Variants in MACROD2 observed in about 807,000 individuals in gnomAD.
MACROD2 encodes ADP-ribose glycohydrolase MACROD2.
MACROD2 carries 36 observed loss-of-function variants against 70.4 expected under a neutral mutation model. The ratio of observed to expected loss-of-function variants is 0.51; its 90% CI spans 0.39 to 0.68. The LOEUF is 0.68. MACROD2 is among the 30% of genes least tolerant of loss of function. The pLI, the probability that MACROD2 is intolerant of heterozygous loss-of-function variation, is 0.00. For synonymous variants in MACROD2, 172 were observed against 178.8 expected (o/e 0.96, Z 0.30); for missense variants, 496 against 538.4 (o/e 0.92, Z 0.78).
intron 7 of MACROD2, among the ~76,000 whole-genome samples, chr20:15,448,877 G>C (rs920585119): frequency 6.6e-5 from 10 of 152,008 alleles, no homozygotes; most frequent in African/African-American, 2.4e-4. Context: ...TTTGATGTTT[G>C]CATTGATTAT....
intron 12 of MACROD2, among the ~76,000 whole-genome samples, chr20:15,944,395 C>T (rs886244631): frequency 2.6e-5 from 4 of 151,938 alleles, no homozygotes; most frequent in Admixed American, 2.0e-4. Context: ...TTCTAGGCAA[C>T]CTCATACATA....
chr20:15,595,164 A>C (rs1373182476), intron 8 of MACROD2, among the ~76,000 whole-genome samples: 1 of 152,230 alleles, frequency 6.6e-6, no homozygotes, highest in Non-Finnish European at 1.5e-5. Flanking sequence ...ACAGAGTTTT[A>C]GTTTTGAAAG....
intron 4 of MACROD2, among the ~76,000 whole-genome samples, chr20:14,546,928 T>C (rs987769360): frequency 4.6e-5 from 7 of 151,416 alleles, no homozygotes; most frequent in Admixed American, 4.6e-4. Context: ...TATTTTCTCT[T>C]TTTTTTTTCA....
intron 6 of MACROD2, among the ~76,000 whole-genome samples, chr20:15,259,127 A>C (rs959197818): frequency 4.6e-5 from 7 of 151,988 alleles, no homozygotes; most frequent in South Asian, 2.1e-4. Flanking sequence ...CTTTCCCCCC[A>C]TACAACATTC....
intron 5 of MACROD2, among the ~76,000 whole-genome samples, chr20:15,074,334 TA>T (rs1280640726): frequency 6.6e-6 from 1 of 152,130 alleles, no homozygotes; most frequent in African/African-American, 2.4e-5. Context: ...GAAGCTTGTA[TA>T]AAAACCTGAA....
At chr20:13,997,145 T>C (rs2052673202) in intron 1 of MACROD2, among the ~76,000 whole-genome samples, 1 of 152,156 alleles carries the variant, frequency 6.6e-6, no homozygotes, top group African/African-American at 2.4e-5. Flanking sequence ...ACAATTAAAA[T>C]GATCTTTAAA....
At position 15,230,069 on chromosome 20, in the gene MACROD2, A is replaced by C; in HGVS notation, c.540+8A>C. 1 of 1,610,690 alleles carries C rather than the reference A, an allele frequency of 6.2e-7. No individual in the cohort carries two copies. The highest frequency in any genetic ancestry group is 8.5e-7 in the Non-Finnish European group (1 of 1,178,322). ...AATAACATCCGATCAGTTGTAAGTA[A>C]TTTTATGTTTTTTATTTCTCACTCT... On this transcript the variant is annotated splice_region_variant and intron_variant, in intron 6 of 17. Coordinates refer to ENST00000684519, the MANE Select transcript of MACROD2 (RefSeq NM_001351661.2).
chr20:15,596,811 T>C (rs990785304), intron 8 of MACROD2, among the ~76,000 whole-genome samples: 1 of 152,206 alleles, frequency 6.6e-6, no homozygotes, highest in Non-Finnish European at 1.5e-5. Context: ...GGTCAGACAT[T>C]CCTACACCCC....
intron 8 of MACROD2, among the ~76,000 whole-genome samples, chr20:15,696,145 C>T (rs2050366597): frequency 6.6e-6 from 1 of 152,158 alleles, no homozygotes; most frequent in Non-Finnish European, 1.5e-5. Flanking sequence ...ATGCTTTCAA[C>T]TTTTCCCCAT....
chr20:15,701,006 G>A (rs1211247170), intron 8 of MACROD2, among the ~76,000 whole-genome samples: 2 of 152,152 alleles, frequency 1.3e-5, no homozygotes, highest in Non-Finnish European at 2.9e-5. Context: ...CTGTTTAACC[G>A]ACGATGCTCA....
At chr20:15,308,650 C>G (rs1040639003) in intron 6 of MACROD2, among the ~76,000 whole-genome samples, 1 of 152,146 alleles carries the variant, frequency 6.6e-6, no homozygotes, top group Admixed American at 6.6e-5. Context: ...CAAATTCAAA[C>G]ATTTAGATTC....
intron 3 of MACROD2, among the ~76,000 whole-genome samples, chr20:14,212,067 A>G (rs576870275): frequency 6.6e-6 from 1 of 152,326 alleles, no homozygotes; most frequent in African/African-American, 2.4e-5. Flanking sequence ...CAGAGGCACA[A>G]ACATACACAC....
At chr20:15,678,088 C>A (rs1301072548) in intron 8 of MACROD2, among the ~76,000 whole-genome samples, 1 of 151,748 alleles carries the variant, frequency 6.6e-6, no homozygotes, top group Non-Finnish European at 1.5e-5. Context: ...TTTCAAGTTA[C>A]TGCATACTCA....
chr20:15,578,180 G>T (rs1272600141), intron 8 of MACROD2, among the ~76,000 whole-genome samples: 1 of 152,156 alleles, frequency 6.6e-6, no homozygotes, highest in Non-Finnish European at 1.5e-5. Context: ...ATGATCACAG[G>T]TAAATAGACA....
chr20:14,312,403 A>G (rs1387977864), intron 3 of MACROD2, among the ~76,000 whole-genome samples: 2 of 152,242 alleles, frequency 1.3e-5, no homozygotes, highest in East Asian at 3.8e-4. Context: ...GTCAAACATC[A>G]TAAGAGAAAA....
chr20:14,149,192 GT>G (rs11087076), intron 3 of MACROD2, among the ~76,000 whole-genome samples: 547 of 144,476 alleles, frequency 3.8e-3, no homozygotes, highest in East Asian at 0.011. Context: ...AGTACCCAAT[GT>G]TTTTTTTTTT....
intron 3 of MACROD2, among the ~76,000 whole-genome samples, chr20:14,229,153 G>A (rs1199568068): frequency 1.3e-5 from 2 of 152,142 alleles, no homozygotes; most frequent in Non-Finnish European, 2.9e-5. Context: ...ATAGGTGATC[G>A]TAGTTTGCTG....
intron 13 of MACROD2, among the ~76,000 whole-genome samples, chr20:15,986,129 G>A (rs908137990): frequency 6.6e-6 from 1 of 152,228 alleles, no homozygotes; most frequent in Non-Finnish European, 1.5e-5. Context: ...CCCAGGCCTG[G>A]TTTCGGGGCT....
chr20:14,598,015 C>G (rs971159631), intron 4 of MACROD2, among the ~76,000 whole-genome samples: 1 of 152,102 alleles, frequency 6.6e-6, no homozygotes, highest in African/African-American at 2.4e-5. Flanking sequence ...CTGTGCTTCT[C>G]TACCTTTGTT....
Sources: allele counts gnomAD v4.1 joint callset (sites outside exome capture counted in the v4.1 genomes callset), GRCh38; gene constraint gnomAD v4.1.1; transcripts MANE v1.5; gene names NCBI Gene and HGNC (gene_info 2026-07-23, HGNC 2026-07-21).